TYW1: variants seen among roughly 807,000 people sequenced by gnomAD.
TYW1 encodes the protein S-adenosyl-L-methionine-dependent tRNA 4-demethylwyosine synthase TYW1.
In TYW1, 46 loss-of-function variants were observed where a neutral mutation model predicts 96.2. That is an observed-to-expected ratio of 0.48 (90% CI 0.38 to 0.61). The LOEUF is 0.61. TYW1 is among the 20% of genes least tolerant of loss of function. The pLI, the probability that TYW1 is intolerant of heterozygous loss-of-function variation, is 0.00. For synonymous variants in TYW1, 274 were observed against 323.0 expected, an observed-to-expected ratio of 0.85 and a Z score of 1.63; for missense variants, 684 against 909.6, an observed-to-expected ratio of 0.75 and a Z score of 3.19.
At chr7:67,180,718 T>C (rs1799814686) in intron 13 of TYW1, among the ~76,000 whole-genome samples, 1 of 152,018 alleles carries the variant, frequency 6.6e-6, no homozygotes, top group Non-Finnish European at 1.5e-5. Context: ...TCTTGGCCCA[T>C]TGCAACCTCT....
intron 13 of TYW1, among the ~76,000 whole-genome samples, chr7:67,182,375 T>C (rs1799867476): frequency 6.6e-6 from 1 of 152,082 alleles, no homozygotes; most frequent in Admixed American, 6.6e-5. Flanking sequence ...CCAGCCTGAA[T>C]AACATAGCAA....
chr7:67,087,503 T>G (rs1024697369), intron 11 of TYW1, among the ~76,000 whole-genome samples: 25 of 152,274 alleles, frequency 1.6e-4, no homozygotes, highest in African/African-American at 5.8e-4. Flanking sequence ...GAAGGAATGA[T>G]CCCCAGAAAT....
intron 10 of TYW1, among the ~76,000 whole-genome samples, chr7:67,075,862 T>C (rs559652255): frequency 1.3e-5 from 2 of 152,342 alleles, no homozygotes; most frequent in East Asian, 3.9e-4. Context: ...TTCCTCCCCA[T>C]CTAATTAAGA....
intron 3 of TYW1, among the ~76,000 whole-genome samples, chr7:67,006,095 G>A (rs1417741197): frequency 2.0e-5 from 3 of 152,098 alleles, no homozygotes; most frequent in African/African-American, 7.2e-5. Flanking sequence ...ATCTTACGTC[G>A]GATCGTAGTC....
At chr7:67,070,112 G>T (rs1795987745) in intron 10 of TYW1, among the ~76,000 whole-genome samples, 1 of 152,084 alleles carries the variant, frequency 6.6e-6, no homozygotes, top group Non-Finnish European at 1.5e-5. Context: ...TTTTACTAAG[G>T]ATCCCTTATA....
At chr7:67,152,489 T>C (rs1798833423) in intron 13 of TYW1, among the ~76,000 whole-genome samples, 1 of 152,226 alleles carries the variant, frequency 6.6e-6, no homozygotes, top group African/African-American at 2.4e-5. Flanking sequence ...ACAATCTTGC[T>C]TGAGCATATC....
intron 9 of TYW1, among the ~76,000 whole-genome samples, chr7:67,060,062 C>T (rs781376632): frequency 1.4e-5 from 2 of 140,298 alleles, no homozygotes; most frequent in African/African-American, 2.7e-5. Flanking sequence ...TGTGAGCCAC[C>T]GTGCCCGGCC....
At chr7:67,158,253 T>G (rs1177496696) in intron 13 of TYW1, among the ~76,000 whole-genome samples, 5 of 151,784 alleles carry the variant, frequency 3.3e-5, no homozygotes, top group African/African-American at 9.7e-5. Flanking sequence ...CACATGTGGC[T>G]AATTTTTGTA....
chr7:67,130,664 CAA>C (rs111869101), intron 13 of TYW1, among the ~76,000 whole-genome samples: 9 of 137,802 alleles, frequency 6.5e-5, no homozygotes, highest in Admixed American at 1.4e-4. Context: ...ACTCTTAACT[CAA>C]AAAAAAAAAA....
intron 9 of TYW1, among the ~76,000 whole-genome samples, chr7:67,057,120 T>C (rs1038165487): frequency 8.6e-5 from 13 of 151,712 alleles, no homozygotes; most frequent in African/African-American, 2.9e-4. Flanking sequence ...GTTCAAATGA[T>C]TCTCCTGCCT....
chr7:67,168,153 T>C (rs1423189524), intron 13 of TYW1, among the ~76,000 whole-genome samples: 1 of 136,824 alleles, frequency 7.3e-6, no homozygotes, highest in Admixed American at 7.2e-5. Flanking sequence ...TTTTATCATA[T>C]CATTTTTTTT....
intron 12 of TYW1, among the ~76,000 whole-genome samples, chr7:67,104,460 C>T (rs62468375): frequency 0.04 from 6,107 of 152,236 alleles, 178 homozygotes; most frequent in Middle Eastern, 0.11. Context: ...CTCATTATCA[C>T]GAGAACAGCA....
At chr7:67,180,795 A>G (rs1324523450) in intron 13 of TYW1, among the ~76,000 whole-genome samples, 2 of 149,470 alleles carry the variant, frequency 1.3e-5, no homozygotes, top group African/African-American at 5.0e-5. Context: ...GGCGCCTGCC[A>G]TCATGCCTGG....
intron 11 of TYW1, among the ~76,000 whole-genome samples, chr7:67,098,317 T>A (rs1796983412): frequency 2.0e-5 from 3 of 152,220 alleles, no homozygotes; most frequent in Admixed American, 6.5e-5. Context: ...TTTGCCTGTT[T>A]GTATTGATGT....
At chr7:67,100,484 G>GAA (rs35003364) in intron 12 of TYW1, among the ~76,000 whole-genome samples, 1 of 142,950 alleles carries the variant, frequency 7.0e-6, no homozygotes, top group African/African-American at 2.6e-5. Flanking sequence ...GGGGAAATAG[G>GAA]AAAAAAAAAA....
intron 11 of TYW1, among the ~76,000 whole-genome samples, chr7:67,097,324 C>T (rs2115854172): frequency 6.6e-6 from 1 of 152,356 alleles, no homozygotes; most frequent in African/African-American, 2.4e-5. Flanking sequence ...ATCTGAGAAG[C>T]TTTAACAAAA....
At chr7:67,176,601 A>C (rs932847809) in intron 13 of TYW1, among the ~76,000 whole-genome samples, 1 of 152,238 alleles carries the variant, frequency 6.6e-6, no homozygotes, top group Non-Finnish European at 1.5e-5. Context: ...CTGTGAACTT[A>C]TATTTCTGTT....
chr7:67,121,502 T>C (rs1236200600), intron 13 of TYW1, among the ~76,000 whole-genome samples: 3 of 152,158 alleles, frequency 2.0e-5, no homozygotes, highest in Admixed American at 6.5e-5. Flanking sequence ...GATCGCACCA[T>C]TGCACTCCAG....
At chr7:67,021,113 C>G (rs1460096779) in intron 6 of TYW1, among the ~76,000 whole-genome samples, 1 of 152,286 alleles carries the variant, frequency 6.6e-6, no homozygotes, top group Admixed American at 6.5e-5. Flanking sequence ...AGGCCAACAT[C>G]TTTTCTTCCC....
Sources: gnomAD v4.1 joint callset for allele counts (sites outside exome capture counted in the v4.1 genomes callset) on GRCh38, gnomAD v4.1.1 for gene constraint, MANE v1.5 for transcripts, NCBI Gene and HGNC (gene_info 2026-07-23, HGNC 2026-07-21) for gene names.